The following MFHAS1 variants were observed in gnomAD, a reference collection of about 807,000 sequenced individuals.
MFHAS1 encodes malignant fibrous histiocytoma-amplified sequence 1.
A neutral mutation model predicts 70.4 loss-of-function variants in MFHAS1; 50 were observed. The observed-to-expected ratio is 0.71, with a 90% CI of 0.57 to 0.90. The LOEUF is 0.90. Among genes scored for constraint, MFHAS1 ranks in the 40% least tolerant of loss-of-function variants. MFHAS1 has a pLI of 0.00. For synonymous variants in MFHAS1, 952 were observed against 620.0 expected (o/e 1.54, Z -7.96); for missense variants, 1,795 against 1,347.6 (o/e 1.33, Z -5.20).
chr8:8,841,585 A>G (rs889483294), intron 1 of MFHAS1, among the ~76,000 whole-genome samples: 1 of 152,210 alleles, frequency 6.6e-6, no homozygotes, highest in Non-Finnish European at 1.5e-5. Flanking sequence ...TGAGCTGACA[A>G]TCACTCGGTC....
Position 8,803,831 on chromosome 8 carries a change from G to A in MFHAS1, c.2999-6340C>T, listed in dbSNP as rs556147512. Among the ~76,000 whole-genome samples the A allele has an allele frequency of 3.9e-5, 6 of 152,136 alleles. No individual in the cohort carries two copies. In the East Asian group the frequency reaches 5.8e-4, roughly 15 times the overall value. On this transcript the variant is annotated intron_variant, in intron 1 of 2. Transcript: ENST00000276282. ...TACTAAAAAAACAAAAATTAGCGGG[G>A]CATCGTGGCACATGCCTGTAATCTC...
intron 1 of MFHAS1, among the ~76,000 whole-genome samples, chr8:8,797,769 C>A (rs1247807279): frequency 6.6e-6 from 1 of 152,178 alleles, no homozygotes; most frequent in Non-Finnish European, 1.5e-5. Flanking sequence ...GCTCTGCTCA[C>A]CTTCCTTTTA....
At position 8,837,626 on chromosome 8, in the gene MFHAS1, G is replaced by C. The variant is rs572849452; in HGVS notation, c.2999-40135C>G. 5.7e-4 allele frequency among the ~76,000 whole-genome samples: 86 copies of C among 151,716 alleles called. 2 individuals are homozygous for C. The South Asian group carries it at 0.018, about 31-fold the overall frequency. On this transcript the variant is annotated intron_variant, in intron 1 of 2. Coordinates refer to ENST00000276282, the MANE Select transcript of MFHAS1 (RefSeq NM_004225.3). Reference sequence around the variant, plus strand: ...CCACTGCACTCCAGCCTGGGCGACAGAGTGAGACCCCATCTCAACTGAAAA... The same window carrying C: ...CCACTGCACTCCAGCCTGGGCGACACAGTGAGACCCCATCTCAACTGAAAA...
intron 1 of MFHAS1, among the ~76,000 whole-genome samples, chr8:8,889,412 A>C (rs1052845643): frequency 6.6e-6 from 1 of 152,218 alleles, no homozygotes; most frequent in Non-Finnish European, 1.5e-5. Context: ...CTCCAATTAC[A>C]AAAGATTTTC....
chr8:8,807,376 G>C lies in MFHAS1; in HGVS notation c.2999-9885C>G, dbSNP rs28373955. Among the ~76,000 whole-genome samples, 661 of 151,868 alleles carry C rather than the reference G, an allele frequency of 4.4e-3. 7 individuals are homozygous for C. Among genetic ancestry groups the C allele is most frequent in the African/African-American group, 0.015 (637 of 41,376 alleles). Reference sequence around the variant, plus strand: ...AGAGAATCACTTACAATTTCATTTCGGTCTCTGTGGTCCATTCATTCTCCC... The same window carrying C: ...AGAGAATCACTTACAATTTCATTTCCGTCTCTGTGGTCCATTCATTCTCCC... On this transcript the variant is annotated intron_variant, in intron 1 of 2. Transcript: ENST00000276282.
chr8:8,828,724 C>T (rs550157456), intron 1 of MFHAS1, among the ~76,000 whole-genome samples: 4 of 152,254 alleles, frequency 2.6e-5, no homozygotes, highest in Non-Finnish European at 5.9e-5. Context: ...GCAAGGCCCA[C>T]GCCACCTTTA....
intron 1 of MFHAS1, among the ~76,000 whole-genome samples, chr8:8,830,287 T>G (rs938185993): frequency 6.6e-6 from 1 of 152,226 alleles, no homozygotes; most frequent in Non-Finnish European, 1.5e-5. Context: ...AGTCTGGTTC[T>G]ATCTATATCA....
chr8:8,842,488 C>G (rs1807870488), intron 1 of MFHAS1, among the ~76,000 whole-genome samples: 1 of 152,162 alleles, frequency 6.6e-6, no homozygotes, highest in Non-Finnish European at 1.5e-5. Flanking sequence ...CATGCCCGAC[C>G]CCACGTCTGA....
intron 1 of MFHAS1, among the ~76,000 whole-genome samples, chr8:8,832,544 A>T (rs557608927): frequency 1.7e-4 from 26 of 152,126 alleles, no homozygotes; most frequent in African/African-American, 6.0e-4. Context: ...GAAGATACAC[A>T]ACATAACCAC....
At chr8:8,846,269 GGGGAA>G (rs1808029681) in intron 1 of MFHAS1, among the ~76,000 whole-genome samples, 1 of 96,960 alleles carries the variant, frequency 1.0e-5, no homozygotes, top group Non-Finnish European at 2.2e-5. Context: ...AAAGGGGGGG[GGGGAA>G]GGAGGAGGAG....
intron 1 of MFHAS1, among the ~76,000 whole-genome samples, chr8:8,828,760 A>G (rs890371794): frequency 6.6e-6 from 1 of 152,212 alleles, no homozygotes; most frequent in Admixed American, 6.5e-5. Context: ...CGGCGTGCAT[A>G]GCCTGGAAAG....
At chr8:8,869,089 G>A (rs528446316) in intron 1 of MFHAS1, among the ~76,000 whole-genome samples, 7 of 152,280 alleles carry the variant, frequency 4.6e-5, no homozygotes, top group African/African-American at 1.7e-4. Context: ...AAAGAGGGCC[G>A]CTTTTGAGGT....
chr8:8,883,511 G>A (rs34315433), intron 1 of MFHAS1, among the ~76,000 whole-genome samples: 2 of 150,782 alleles, frequency 1.3e-5, no homozygotes, highest in Non-Finnish European at 3.0e-5. Context: ...AGTTCAAGAC[G>A]AGCCTGGCCA....
chr8:8,838,337 C>T (rs1399260757), intron 1 of MFHAS1, among the ~76,000 whole-genome samples: 2 of 152,082 alleles, frequency 1.3e-5, no homozygotes, highest in Non-Finnish European at 2.9e-5. Context: ...GTGGTAGATA[C>T]CTAAATCTGT....
Position 8,891,947 on chromosome 8 carries a change from T to G in MFHAS1, c.1112A>C (p.Lys371Thr), listed in dbSNP as rs1810066372. The G allele has an allele frequency of 6.2e-7, 1 of 1,611,652 alleles. No individual in the cohort carries two copies. Among genetic ancestry groups the G allele is most frequent in the Non-Finnish European group, 8.5e-7 (1 of 1,178,834 alleles). ...CTGGATCAGTGGGTTGTCTTTGATC[T>G]TCCACAAACCCACCCGGGAGAGCTG... ...FGQLSRVGLW[K>T]IKDNPLIQPP... is the part of the protein sequence containing the mutation. Residue 371 changes from lysine to threonine, a missense_variant, in exon 1 of 3, where the codon AAG becomes ACG. Transcript: ENST00000276282. The surrounding 1 kb of genome is among the most constrained non-coding windows in gnomAD (Gnocchi z 5.4).
rs1809971110 is a variant in MFHAS1 at position 8,890,715 on chromosome 8, C to T, written c.2344G>A (p.Ala782Thr). The change falls in exon 1 of 3, where the codon GCC (alanine) becomes ACC (threonine). Residue 782 changes from alanine (A) to threonine (T), a missense_variant. Coordinates refer to ENST00000276282, the MANE Select transcript of MFHAS1 (RefSeq NM_004225.3). Reference protein sequence around the residue: ...RSTPSQELLRATQLHQYVEGF... With the variant: ...RSTPSQELLRTTQLHQYVEGF... ...TCCACATACTGATGGAGCTGGGTGG[C>T]CCGGAGCAGTTCCTGGCTGGGGGTG... 1 of 1,613,584 alleles carries T rather than the reference C, an allele frequency of 6.2e-7. No individual in the cohort carries two copies. Among genetic ancestry groups the T allele is most frequent in the Non-Finnish European group, 8.5e-7 (1 of 1,179,724 alleles).
intron 1 of MFHAS1, among the ~76,000 whole-genome samples, chr8:8,845,645 T>C (rs1234078044): frequency 6.6e-6 from 1 of 152,212 alleles, no homozygotes; most frequent in Non-Finnish European, 1.5e-5. Flanking sequence ...TGACTTAATA[T>C]TTCCCTATCT....
At chr8:8,850,765 C>T (rs1177184405) in intron 1 of MFHAS1, among the ~76,000 whole-genome samples, 2 of 134,228 alleles carry the variant, frequency 1.5e-5, no homozygotes, top group Non-Finnish European at 3.0e-5. Context: ...GCGAAGGTTA[C>T]AGTGAGTGGC....
chr8:8,889,968 G>C, intron 1 of MFHAS1, 93 bp downstream of exon 1: 1 of 1,113,104 alleles, frequency 9.0e-7, no homozygotes, highest in African/African-American at 1.6e-5. Context: ...AACCCGTGAA[G>C]TTAAACAAAC....
Sources: gnomAD v4.1 joint callset for allele counts (sites outside exome capture counted in the v4.1 genomes callset) on GRCh38, gnomAD v4.1.1 for gene constraint, Gnocchi (gnomAD v3.1) non-coding constraint, MANE v1.5 for transcripts, NCBI Gene and HGNC (gene_info 2026-07-23, HGNC 2026-07-21) for gene names.